PIK3C2G: variants seen among roughly 807,000 people sequenced by gnomAD.
PIK3C2G encodes phosphatidylinositol-4-phosphate 3-kinase catalytic subunit type 2 gamma, also known as phosphatidylinositol 3-kinase C2 domain-containing subunit gamma.
Under a neutral mutation model 181.1 loss-of-function variants are expected in PIK3C2G, and 168 were observed. That is an observed-to-expected ratio of 0.93 (90% CI 0.82 to 1.05). The LOEUF (loss-of-function observed/expected upper bound fraction) is 1.05, where lower values mean the gene tolerates loss of function less well. Among genes scored for constraint, PIK3C2G ranks in the 50% least tolerant of loss-of-function variants. The pLI is 0.00. For missense variants in PIK3C2G, 1,869 were observed against 1,732.8 expected, an observed-to-expected ratio of 1.08 and a Z score of -1.40; for synonymous variants, 573 against 592.2, an observed-to-expected ratio of 0.97 and a Z score of 0.47.
intron 5 of PIK3C2G, among the ~76,000 whole-genome samples, chr12:18,303,162 T>TTTC (rs752382650): frequency 9.1e-5 from 13 of 142,784 alleles, no homozygotes; most frequent in Admixed American, 2.1e-4. Flanking sequence ...CTTCTTTCTC[T>TTTC]TTCTTTCTTT....
the PIK3C2G span, among the ~76,000 whole-genome samples, chr12:18,668,400 G>C: frequency 6.6e-6 from 1 of 152,120 alleles, no homozygotes; most frequent in South Asian, 2.1e-4. Context: ...TTTGTAAAAG[G>C]AAAACCTTGC....
chr12:18,701,435 A>T, the PIK3C2G span: 1 of 1,606,152 alleles, frequency 6.2e-7, no homozygotes, highest in Non-Finnish European at 8.5e-7. Flanking sequence ...TTTTAAAAAA[A>T]TCTCCAAGAA....
chr12:18,403,113 G>A lies in PIK3C2G; in HGVS notation c.2315+3266G>A, dbSNP rs550591730. Among the ~76,000 whole-genome samples the A allele has an allele frequency of 4.6e-5, 7 of 152,044 alleles. No homozygotes were observed. The South Asian group carries it at 6.2e-4, about 14-fold the overall frequency. ...ATGAAATATCTTGGCTATCCTAAAC[G>A]GTTTTTTAAAATTGTAAATAGGAGC... On this transcript the variant is annotated intron_variant, in intron 16 of 32. Transcript: ENST00000538779.
At position 18,424,021 on chromosome 12, in the gene PIK3C2G, T is replaced by G; in HGVS notation, c.2486T>G (p.Val829Gly). 6.2e-7 allele frequency: 1 copy of G among 1,609,248 alleles called. No homozygotes were observed. The highest frequency in any genetic ancestry group is 8.5e-7 in the Non-Finnish European group (1 of 1,177,214). ...LLHRSLQSIQ[V>G]AHRLYWLLKN... ...CACCGCTCCTTGCAGAGCATCCAGG[T>G]TGCCCATCGTCTTTACTGGTAAGAT... The change falls in exon 18 of 33, where the codon GTT (valine) becomes GGT (glycine). Residue 829 changes from valine (V) to glycine (G), a missense_variant. Coordinates refer to ENST00000538779, the MANE Select transcript of PIK3C2G (RefSeq NM_001288772.2).
rs201852482 is a variant in PIK3C2G at position 18,468,220 on chromosome 12, A to AT, written c.2505-20222dup. ...GCTTGCATTCTGGAGTTAGTCTGCA[A>AT]TTTTTTTGTTTACTCTCACAAGAAC... On this transcript the variant is annotated intron_variant, in intron 18 of 32. Transcript: ENST00000538779. 8.8e-3 allele frequency among the ~76,000 whole-genome samples: 1,341 copies of AT among 152,022 alleles called. 21 individuals carry two copies. The highest frequency in any genetic ancestry group is 0.031 in the African/African-American group (1,276 of 41,486).
intron 30 of PIK3C2G, among the ~76,000 whole-genome samples, chr12:18,600,110 T>C (rs1420611101): frequency 6.6e-6 from 1 of 152,030 alleles, no homozygotes; most frequent in African/African-American, 2.4e-5. Flanking sequence ...AAAATGTATC[T>C]TCTCTTCAAA....
intron 18 of PIK3C2G, among the ~76,000 whole-genome samples, chr12:18,469,913 CT>C (rs1938287674): frequency 1.4e-5 from 1 of 73,796 alleles, no homozygotes; most frequent in Admixed American, 2.1e-4. Context: ...CCACCTGCTA[CT>C]CTTTTTTTTT....
intron 24 of PIK3C2G, among the ~76,000 whole-genome samples, chr12:18,524,536 C>G (rs1021611676): frequency 9.3e-5 from 14 of 150,992 alleles, no homozygotes; most frequent in Non-Finnish European, 2.9e-5. Context: ...TGACCTTAAA[C>G]TAGTGGCTTC....
At chr12:18,665,832 G>T in the PIK3C2G span, among the ~76,000 whole-genome samples, 1 of 151,986 alleles carries the variant, frequency 6.6e-6, no homozygotes. Flanking sequence ...GTACTTGGGA[G>T]GCTGAGGCAG....
At chr12:18,679,656 A>G in the PIK3C2G span, among the ~76,000 whole-genome samples, 2 of 151,984 alleles carry the variant, frequency 1.3e-5, no homozygotes, top group African/African-American at 4.8e-5. Context: ...ATTTTTATTA[A>G]TATTAGGCAC....
the PIK3C2G span, among the ~76,000 whole-genome samples, chr12:18,715,079 T>C: frequency 6.7e-6 from 1 of 149,988 alleles, no homozygotes; most frequent in Admixed American, 6.7e-5. Flanking sequence ...AGTACTTAGG[T>C]AAGAGCATAG....
intron 16 of PIK3C2G, among the ~76,000 whole-genome samples, chr12:18,402,763 C>G (rs962524330): frequency 6.6e-6 from 1 of 152,052 alleles, no homozygotes; most frequent in African/African-American, 2.4e-5. Context: ...GATAACTAAG[C>G]AGAATTATGC....
chr12:18,321,113 G>A, intron 7 of PIK3C2G, 81 bp downstream of exon 7: 2 of 761,448 alleles, frequency 2.6e-6, no homozygotes, highest in Admixed American at 4.9e-5. Context: ...TCAGTTGATT[G>A]TAAAAACTGT....
At chr12:18,607,275 G>A (rs1251851558) in intron 30 of PIK3C2G, 1 of 448,688 alleles carries the variant, frequency 2.2e-6, no homozygotes, top group East Asian at 6.2e-5. Context: ...GAGCCTGTTT[G>A]TAGAACTAAA....
chr12:18,709,376 T>A, the PIK3C2G span, among the ~76,000 whole-genome samples: 1 of 152,124 alleles, frequency 6.6e-6, no homozygotes, highest in African/African-American at 2.4e-5. Flanking sequence ...CTGGTCTATA[T>A]GTCTGTTTTT....
At chr12:18,295,504 G>A (rs2137238904) in intron 5 of PIK3C2G, among the ~76,000 whole-genome samples, 1 of 150,832 alleles carries the variant, frequency 6.6e-6, no homozygotes, top group South Asian at 2.1e-4. Flanking sequence ...CAGAAATTCG[G>A]AAAAGTATAA....
intron 5 of PIK3C2G, among the ~76,000 whole-genome samples, chr12:18,312,642 T>A (rs1328603688): frequency 2.0e-5 from 3 of 152,050 alleles, no homozygotes; most frequent in African/African-American, 7.2e-5. Context: ...TTGTCTAGAT[T>A]GGCTGTGAAA....
In PIK3C2G at chr12:18,297,230, C is replaced by T. The variant is rs184825758; in HGVS notation, c.1034+3215C>T. ...ACCGTCTCACATGAGTATTTTTCTTCATAAATATATTGATAATATATGAAG... is the reference window on the plus strand; with the variant it reads ...ACCGTCTCACATGAGTATTTTTCTTTATAAATATATTGATAATATATGAAG... On this transcript the variant is annotated intron_variant, in intron 5 of 32. Transcript: ENST00000538779. Among the ~76,000 whole-genome samples the T allele has an allele frequency of 4.3e-4, 66 of 152,098 alleles. 2 individuals are homozygous for T. The South Asian group carries it at 0.012, about 27-fold the overall frequency.
In PIK3C2G at chr12:18,321,060, C is replaced by T. The variant is rs778585222; in HGVS notation, c.1208+28C>T. 4.1e-5 allele frequency: 48 copies of T among 1,181,998 alleles called. No individual in the cohort carries two copies. In the South Asian group the frequency reaches 6.2e-4, roughly 15 times the overall value. 73.2% of individuals were successfully genotyped at this position (1,181,998 alleles called of 1,614,324 possible). ...AAGATATTTTATATTTGTTCCAAGA[C>T]TACTTTCTGATTGAGTTCTCAAATG... On this transcript the variant is annotated intron_variant, in intron 7 of 32. Coordinates refer to ENST00000538779, the MANE Select transcript of PIK3C2G (RefSeq NM_001288772.2).
Sources: gnomAD v4.1 joint callset for allele counts (sites outside exome capture counted in the v4.1 genomes callset) on GRCh38, gnomAD v4.1.1 for gene constraint, MANE v1.5 for transcripts, NCBI Gene and HGNC (gene_info 2026-07-23, HGNC 2026-07-21) for gene names.